The following DCC variants were observed in gnomAD, a reference collection of about 807,000 sequenced individuals.
The protein encoded by DCC is netrin receptor DCC.
In DCC, 58 loss-of-function variants were observed where a neutral mutation model predicts 172.5. The observed-to-expected ratio is 0.34, with a 90% CI of 0.27 to 0.42. The LOEUF (loss-of-function observed/expected upper bound fraction) is 0.42, where lower values mean the gene tolerates loss of function less well. DCC is among the 10% of genes least tolerant of loss of function. The probability of loss-of-function intolerance (pLI) is 1.00; values close to 1 mark genes in which losing one functional copy is unlikely to be tolerated. For synonymous variants in DCC, 709 were observed against 644.5 expected (o/e 1.10, Z -1.52); for missense variants, 1,740 against 1,791.0 (o/e 0.97, Z 0.51).
chr18:53,031,331 A>T (rs2042022835), intron 5 of DCC, among the ~76,000 whole-genome samples: 1 of 152,202 alleles, frequency 6.6e-6, no homozygotes, highest in Admixed American at 6.5e-5. Flanking sequence ...TTCATAGACT[A>T]GATATATTGC....
At chr18:53,478,932 C>A (rs557315474) in intron 25 of DCC, among the ~76,000 whole-genome samples, 1 of 152,330 alleles carries the variant, frequency 6.6e-6, no homozygotes, top group East Asian at 1.9e-4. Flanking sequence ...ATCCCTTTGA[C>A]TCATGCATAT....
rs182229845 is a variant in DCC, at chr18:52,503,003, G to A, written c.91+162125G>A. Among the ~76,000 whole-genome samples, 19 of 152,252 alleles carry A rather than the reference G, an allele frequency of 1.2e-4. 1 individual carries two copies. The highest frequency in any genetic ancestry group is 4.3e-4 in the African/African-American group (18 of 41,550). Reference sequence around the variant, plus strand: ...AAAAATTTGACGCAGCAGTACAAACGTATTTAAGCTGCCGTGCTGCTCAGA... The same window carrying A: ...AAAAATTTGACGCAGCAGTACAAACATATTTAAGCTGCCGTGCTGCTCAGA... On this transcript the variant is annotated intron_variant, in intron 1 of 28. Coordinates refer to ENST00000442544, the MANE Select transcript of DCC (RefSeq NM_005215.4).
intron 1 of DCC, among the ~76,000 whole-genome samples, chr18:52,561,688 A>G (rs2033042908): frequency 6.6e-6 from 1 of 152,172 alleles, no homozygotes. Flanking sequence ...TGCTCAAAAA[A>G]GAACTTCATC....
At chr18:52,633,812 C>T (rs2034721542) in intron 1 of DCC, among the ~76,000 whole-genome samples, 1 of 152,108 alleles carries the variant, frequency 6.6e-6, no homozygotes, top group Non-Finnish European at 1.5e-5. Flanking sequence ...AAGCATAAAA[C>T]AATAAGTCAA....
chr18:53,529,337 A>C (rs2046500120), intron 28 of DCC, among the ~76,000 whole-genome samples: 1 of 152,134 alleles, frequency 6.6e-6, no homozygotes, highest in Non-Finnish European at 1.5e-5. Flanking sequence ...AAGATTAGAT[A>C]TACATCTCTG....
chr18:53,094,768 G>A (rs921897670), intron 7 of DCC, among the ~76,000 whole-genome samples: 1 of 151,886 alleles, frequency 6.6e-6, no homozygotes. Flanking sequence ...TTTGCCTTGG[G>A]CTCAAATAAA....
intron 5 of DCC, among the ~76,000 whole-genome samples, chr18:53,059,549 T>C (rs2042464424): frequency 6.6e-6 from 1 of 152,164 alleles, no homozygotes; most frequent in Non-Finnish European, 1.5e-5. Context: ...TCCCATGTTA[T>C]GTAAGTATTT....
intron 7 of DCC, among the ~76,000 whole-genome samples, chr18:53,124,319 A>G (rs537578910): frequency 2.0e-5 from 3 of 152,236 alleles, no homozygotes; most frequent in South Asian, 4.1e-4. Flanking sequence ...AATATTTTTA[A>G]GAAGCATTTC....
chr18:53,335,072 C>A (rs910361018), intron 14 of DCC, among the ~76,000 whole-genome samples: 3 of 152,082 alleles, frequency 2.0e-5, no homozygotes, highest in African/African-American at 4.8e-5. Context: ...CTCTTTTTAT[C>A]TTTTTCATTC....
At chr18:52,659,178 C>T (rs1480742347) in intron 1 of DCC, among the ~76,000 whole-genome samples, 2 of 152,078 alleles carry the variant, frequency 1.3e-5, no homozygotes, top group Admixed American at 6.6e-5. Context: ...GTACAATGTT[C>T]AGACAACAGT....
chr18:52,883,639 C>A (rs1253378561), intron 2 of DCC, among the ~76,000 whole-genome samples: 1 of 151,908 alleles, frequency 6.6e-6, no homozygotes, highest in East Asian at 1.9e-4. Context: ...TGTTGTTTCT[C>A]TGTGACTTAT....
chr18:53,144,781 A>G (rs1022343127), intron 7 of DCC, among the ~76,000 whole-genome samples: 3 of 152,154 alleles, frequency 2.0e-5, no homozygotes, highest in Non-Finnish European at 2.9e-5. Flanking sequence ...GACTGTACGT[A>G]ACTGAACTCA....
Position 52,579,348 on chromosome 18 carries a change from G to C in DCC, c.92-172706G>C, listed in dbSNP as rs1281193138. Among the ~76,000 whole-genome samples, 3 of 152,162 alleles carry C rather than the reference G, an allele frequency of 2.0e-5. No homozygotes were observed. In the East Asian group the frequency reaches 5.8e-4, roughly 29 times the overall value. On this transcript the variant is annotated intron_variant, in intron 1 of 28. Coordinates refer to ENST00000442544, the MANE Select transcript of DCC (RefSeq NM_005215.4). Reference sequence around the variant, plus strand: ...GGAATATGCAATTAGAAAGTTACAGGGTATCATAGCTGGGATGGTCTTAGA... The same window carrying C: ...GGAATATGCAATTAGAAAGTTACAGCGTATCATAGCTGGGATGGTCTTAGA...
intron 2 of DCC, among the ~76,000 whole-genome samples, chr18:52,806,827 C>A (rs568454614): frequency 4.8e-4 from 73 of 152,274 alleles, no homozygotes; most frequent in Non-Finnish European, 6.6e-4. Context: ...GAGCCACCAT[C>A]TTGGATCCTA....
chr18:53,087,943 T>C (rs2042940329), intron 7 of DCC, among the ~76,000 whole-genome samples: 1 of 152,052 alleles, frequency 6.6e-6, no homozygotes, highest in African/African-American at 2.4e-5. Flanking sequence ...GAGGCCTCTG[T>C]TCTGTTCCAT....
intron 14 of DCC, among the ~76,000 whole-genome samples, chr18:53,338,431 G>A (rs909967906): frequency 1.2e-4 from 18 of 152,082 alleles, no homozygotes; most frequent in Admixed American, 6.6e-5. Context: ...GTGAAACCCC[G>A]TCTCTACTAA....
intron 2 of DCC, among the ~76,000 whole-genome samples, chr18:52,809,895 C>G (rs1338834291): frequency 6.6e-6 from 1 of 152,002 alleles, no homozygotes; most frequent in Non-Finnish European, 1.5e-5. Context: ...CTGCTTTTAG[C>G]CTAATTTGTA....
At chr18:53,110,257 T>A (rs11876834) in intron 7 of DCC, among the ~76,000 whole-genome samples, 2,380 of 151,800 alleles carry the variant, frequency 0.016, 53 homozygotes, top group African/African-American at 0.054. Flanking sequence ...AATTGTGACA[T>A]TAATATCATC....
intron 1 of DCC, among the ~76,000 whole-genome samples, chr18:52,625,516 T>C (rs2144868085): frequency 6.6e-6 from 1 of 152,300 alleles, no homozygotes; most frequent in South Asian, 2.1e-4. Flanking sequence ...ACTTTACTCC[T>C]GTAGTTCTCA....
Sources: gnomAD v4.1 joint callset for allele counts (sites outside exome capture counted in the v4.1 genomes callset) on GRCh38, gnomAD v4.1.1 for gene constraint, MANE v1.5 for transcripts, NCBI Gene and HGNC (gene_info 2026-07-23, HGNC 2026-07-21) for gene names.